Variants in TPR observed in about 807,000 individuals in gnomAD.
TPR encodes the protein nucleoprotein TPR.
In TPR, 51 loss-of-function variants were observed where a neutral mutation model predicts 316.1. That is an observed-to-expected ratio of 0.16 (90% CI 0.13 to 0.20). TPR has a LOEUF of 0.20. Ranked by LOEUF, TPR falls within the 10% of genes least tolerant of loss-of-function variation. The pLI, the probability that TPR is intolerant of heterozygous loss-of-function variation, is 1.00. For missense variants in TPR, 2,272 were observed against 2,754.8 expected (o/e 0.82, Z 3.92); for synonymous variants, 981 against 914.7 (o/e 1.07, Z -1.31).
rs1658310271 is a variant in TPR at position 186,335,445 on chromosome 1, G to A, written c.4804C>T (p.Leu1602=). The stretch of plus-strand genomic sequence containing the variant: ...ATTCGACCTTCATATTGGGACTTTA[G>A]CGCAGTAATGCGAACATCCAATTCA... ...KDELDVRITA[L]KSQYEGRISR... Residue 1602 remains leucine (L), a synonymous_variant, in exon 34 of 51, where the codon CTA becomes TTA. Transcript: ENST00000367478. 4 of 1,613,722 alleles carry A rather than the reference G, an allele frequency of 2.5e-6. No individual in the cohort carries two copies. The highest frequency in any genetic ancestry group is 3.4e-6 in the Non-Finnish European group (4 of 1,179,740).
chr1:186,340,578 T>G (rs1658482868), intron 29 of TPR, among the ~76,000 whole-genome samples: 1 of 151,908 alleles, frequency 6.6e-6, no homozygotes, highest in South Asian at 2.1e-4. Flanking sequence ...ACTACAGGCA[T>G]GTACCACCAC....
At chr1:186,370,212 A>G (rs1159584357) in intron 3 of TPR, among the ~76,000 whole-genome samples, 2 of 152,146 alleles carry the variant, frequency 1.3e-5, no homozygotes, top group East Asian at 1.9e-4. Flanking sequence ...TTTTTCCCCA[A>G]TCATCTTTAG....
Position 186,344,582 on chromosome 1 carries a change from T to A in TPR, c.3214-4A>T. On this transcript the variant is annotated splice_region_variant and splice_polypyrimidine_tract_variant and intron_variant, in intron 24 of 50. Transcript: ENST00000367478. ...GAGCTTCCACAGCTATTTTAGCCTA[T>A]AAGAAATTATTACCCAATTGATACC... 1.3e-6 allele frequency: 2 copies of A among 1,503,832 alleles called. No homozygotes were observed. Among genetic ancestry groups the A allele is most frequent in the Non-Finnish European group, 1.8e-6 (2 of 1,129,280 alleles). 93.2% of individuals were successfully genotyped at this position (1,503,832 alleles called of 1,614,324 possible). A position where few individuals can be genotyped will look rare whatever the true frequency, so the allele number is the denominator to read the frequency against.
rs185362673 is a variant in TPR at position 186,370,987 on chromosome 1, G to A, written c.313C>T (p.Arg105Cys). ...TCTCTTACCTGAATGGCAATATTGCGATCCTGAGCAATTTCAAGTTCTTTG... is the reference window on the plus strand; with the variant it reads ...TCTCTTACCTGAATGGCAATATTGCAATCCTGAGCAATTTCAAGTTCTTTG... Reference protein sequence around the residue: ...KNKELEIAQDRNIAIQSQFTR... With the variant: ...KNKELEIAQDCNIAIQSQFTR... Residue 105 changes from arginine to cysteine, a missense_variant, in exon 3 of 51, where the codon CGC becomes TGC. Physicochemically the swap from Arg to Cys is radical, Grantham distance 180. Transcript: ENST00000367478. 790 of 1,612,604 alleles carry A rather than the reference G, an allele frequency of 4.9e-4. 1 individual carries two copies. Among genetic ancestry groups the A allele is most frequent in the Non-Finnish European group, 6.4e-4 (750 of 1,179,236 alleles).
At chr1:186,329,946 A>G (rs12566543) in intron 39 of TPR, among the ~76,000 whole-genome samples, 14,725 of 152,192 alleles carry the variant, frequency 0.097, 895 homozygotes, top group East Asian at 0.25. Flanking sequence ...CTGAGCTCCA[A>G]TGCTATGTGA....
chr1:186,357,952 T>C (rs10911854), intron 13 of TPR, among the ~76,000 whole-genome samples: 43,864 of 152,030 alleles, frequency 0.29, 6,901 homozygotes, highest in Admixed American at 0.38. Flanking sequence ...TTTGTATATA[T>C]GATAGGGCAG....
Position 186,365,166 on chromosome 1 carries a change from G to A in TPR, c.428-1721C>T, listed in dbSNP as rs557748660. 6.7e-4 allele frequency among the ~76,000 whole-genome samples: 96 copies of A among 142,604 alleles called. 1 individual carries two copies. In the Middle Eastern group the frequency reaches 0.016, roughly 24 times the overall value. 93.6% of individuals were successfully genotyped at this position (142,604 alleles called of 152,430 possible). On this transcript the variant is annotated intron_variant, in intron 4 of 50. Coordinates refer to ENST00000367478, the MANE Select transcript of TPR (RefSeq NM_003292.3). ...GCTGGAGTGTAGTGGCATTATCTTG[G>A]CTCACTGCAACCTCTGCCTCCCTGG...
intron 6 of TPR, among the ~76,000 whole-genome samples, 191 bp downstream of exon 6, chr1:186,362,646 G>A (rs966961843): frequency 9.9e-5 from 15 of 151,930 alleles, no homozygotes; most frequent in Non-Finnish European, 1.9e-4. Context: ...AACCAGATTT[G>A]ACAAAGAATC....
At chr1:186,362,735 T>C (rs535267785) in intron 6 of TPR, 102 bp downstream of exon 6, 2 of 1,062,588 alleles carry the variant, frequency 1.9e-6, no homozygotes, top group Middle Eastern at 3.1e-4. Context: ...CCACTCATCT[T>C]ACAACTAATC....
chr1:186,370,875 T>A, intron 3 of TPR, 95 bp downstream of exon 3: 1 of 1,046,644 alleles, frequency 9.6e-7, no homozygotes, highest in Non-Finnish European at 1.4e-6. Flanking sequence ...ATCAGTTACA[T>A]CTTCCCATTG....
At chr1:186,349,529 G>A (rs1363461871) in intron 21 of TPR, among the ~76,000 whole-genome samples, 5 of 151,560 alleles carry the variant, frequency 3.3e-5, no homozygotes, top group East Asian at 1.9e-4. Context: ...GCGTTGTGGC[G>A]GCCGCCTGTA....
chr1:186,348,750 C>G (rs900337691), intron 21 of TPR, among the ~76,000 whole-genome samples: 1 of 152,114 alleles, frequency 6.6e-6, no homozygotes, highest in Non-Finnish European at 1.5e-5. Flanking sequence ...AGAACCTACA[C>G]TGAAAGATTG....
At chr1:186,347,675 C>T (rs1174675339) in intron 21 of TPR, among the ~76,000 whole-genome samples, 1 of 152,206 alleles carries the variant, frequency 6.6e-6, no homozygotes, top group South Asian at 2.1e-4. Context: ...AAATCTGTTA[C>T]AAAAATTAAG....
chr1:186,317,383 C>T lies in TPR; in HGVS notation c.6940+99G>A, dbSNP rs919825255. The T allele has an allele frequency of 8.5e-6, 8 of 937,446 alleles. No homozygotes were observed. The African/African-American group carries it at 1.0e-4, about 12-fold the overall frequency. The allele number at this position is 937,446 out of a possible 1,614,324, so 58.1% of individuals were successfully genotyped here. A position where few individuals can be genotyped will look rare whatever the true frequency, so the allele number is the denominator to read the frequency against. On this transcript the variant is annotated intron_variant, in intron 49 of 50. Coordinates refer to ENST00000367478, the MANE Select transcript of TPR (RefSeq NM_003292.3). Reference sequence around the variant, plus strand: ...CTTTTAAATAAAGCATTTTAAAATACAGGAAAAAAGGATTATTAATTTGTT... The same window carrying T: ...CTTTTAAATAAAGCATTTTAAAATATAGGAAAAAAGGATTATTAATTTGTT...
rs78136663 is a variant in TPR, at chr1:186,321,839, C to T, written c.6461+479G>A. On this transcript the variant is annotated intron_variant, in intron 45 of 50. Transcript: ENST00000367478. ...TATAAATTATGATCATTGTAATTAC[C>T]AACACTTAATCAACAACTATAAAGC... 3.2e-3 allele frequency among the ~76,000 whole-genome samples: 480 copies of T among 152,178 alleles called. 1 individual carries two copies. The highest frequency in any genetic ancestry group is 0.011 in the African/African-American group (453 of 41,528).
At chr1:186,368,535 G>A (rs910681266) in intron 3 of TPR, among the ~76,000 whole-genome samples, 4 of 152,140 alleles carry the variant, frequency 2.6e-5, no homozygotes, top group Non-Finnish European at 2.9e-5. Flanking sequence ...ATTTGAGCCC[G>A]GGAGGCAGAG....
chr1:186,351,439 T>G lies in TPR; in HGVS notation c.2501A>C (p.Lys834Thr). The change falls in exon 20 of 51, where the codon AAA becomes ACA. Residue 834 changes from lysine (K) to threonine (T), a missense_variant. This residue lies in a region of TPR where 757 missense variants were observed against 859.8 expected (regional missense o/e 0.88). Coordinates refer to ENST00000367478, the MANE Select transcript of TPR (RefSeq NM_003292.3). ...GILERSETET[K>T]QRLSSQIEKL... ...TTCTATCTGGCTACTAAGCCTTTGT[T>G]TGGTTTCTGTTTCAGATCGCTCCAG... is the stretch of plus-strand genomic sequence containing the variant. 6.2e-7 allele frequency: 1 copy of G among 1,610,420 alleles called. No individual in the cohort carries two copies. The highest frequency in any genetic ancestry group is 1.7e-5 in the Admixed American group (1 of 59,448).
chr1:186,365,253 G>A (rs1414337553), intron 4 of TPR, among the ~76,000 whole-genome samples: 5 of 151,852 alleles, frequency 3.3e-5, no homozygotes, highest in African/African-American at 9.7e-5. Context: ...CTACCACCAC[G>A]CCCAGCTAAT....
intron 42 of TPR, chr1:186,325,499 C>A: frequency 3.6e-6 from 1 of 277,172 alleles, no homozygotes; most frequent in Non-Finnish European, 6.6e-6. Context: ...TTAATGGCAG[C>A]ATATAGCATT....
Sources: allele counts gnomAD v4.1 joint callset (sites outside exome capture counted in the v4.1 genomes callset), GRCh38; gene constraint gnomAD v4.1.1; regional missense constraint gnomAD v4.1.1; transcripts MANE v1.5; gene names NCBI Gene and HGNC (gene_info 2026-07-23, HGNC 2026-07-21).